IMMP2L: variants seen among roughly 807,000 people sequenced by gnomAD.
IMMP2L encodes inner mitochondrial membrane peptidase subunit 2.
Under a neutral mutation model 19.3 loss-of-function variants are expected in IMMP2L, and 18 were observed. That is an observed-to-expected ratio of 0.93 (90% confidence interval 0.64 to 1.38). IMMP2L has a LOEUF of 1.38. Among genes scored for constraint, IMMP2L ranks in the 40% most tolerant of loss-of-function variants. IMMP2L has a pLI of 0.00. For missense variants in IMMP2L, 233 were observed against 218.2 expected, an observed-to-expected ratio of 1.07 and a Z score of -0.43; for synonymous variants, 76 against 73.0, an observed-to-expected ratio of 1.04 and a Z score of -0.21.
intron 3 of IMMP2L, among the ~76,000 whole-genome samples, chr7:111,040,560 A>C (rs1180100329): frequency 6.6e-6 from 1 of 151,434 alleles, no homozygotes; most frequent in African/African-American, 2.4e-5. Flanking sequence ...AATCTAAAAG[A>C]TATTTATATC....
intron 3 of IMMP2L, among the ~76,000 whole-genome samples, chr7:111,138,134 T>C (rs1455775800): frequency 6.6e-6 from 1 of 152,174 alleles, no homozygotes; most frequent in Non-Finnish European, 1.5e-5. Context: ...ACCAGCCTTG[T>C]GCTACACCTT....
At chr7:110,786,048 A>T (rs903504034) in intron 5 of IMMP2L, among the ~76,000 whole-genome samples, 1 of 152,114 alleles carries the variant, frequency 6.6e-6, no homozygotes, top group Middle Eastern at 3.4e-3. Context: ...CGATGAATTC[A>T]GAAAAAGGAT....
chr7:111,061,515 G>C (rs1030564298), intron 3 of IMMP2L, among the ~76,000 whole-genome samples: 5 of 152,084 alleles, frequency 3.3e-5, no homozygotes, highest in Non-Finnish European at 5.9e-5. Flanking sequence ...GTGGCCAGGG[G>C]TAATTAATAC....
intron 3 of IMMP2L, among the ~76,000 whole-genome samples, chr7:111,006,057 G>C (rs942273867): frequency 7.2e-5 from 11 of 152,038 alleles, no homozygotes; most frequent in African/African-American, 2.4e-4. Flanking sequence ...AGTTCTCAAG[G>C]GGCTCATCTG....
At chr7:111,444,961 T>G (rs948195975) in intron 3 of IMMP2L, among the ~76,000 whole-genome samples, 1 of 152,158 alleles carries the variant, frequency 6.6e-6, no homozygotes, top group African/African-American at 2.4e-5. Flanking sequence ...TTGTAACAGT[T>G]ATATATTAAT....
intron 3 of IMMP2L, among the ~76,000 whole-genome samples, chr7:111,014,968 G>T (rs1385177923): frequency 1.3e-5 from 2 of 152,142 alleles, no homozygotes; most frequent in Admixed American, 1.3e-4. Flanking sequence ...CTGTAAAATG[G>T]TGCATCCTCT....
intron 3 of IMMP2L, among the ~76,000 whole-genome samples, chr7:111,328,691 A>AAG (rs1491092800): frequency 4.0e-5 from 6 of 151,790 alleles, no homozygotes; most frequent in East Asian, 1.9e-4. Flanking sequence ...GCTGAAGGGC[A>AAG]AGAGAGAGAG....
chr7:110,955,627 T>A (rs1436383529), intron 4 of IMMP2L, among the ~76,000 whole-genome samples: 1 of 151,962 alleles, frequency 6.6e-6, no homozygotes, highest in African/African-American at 2.4e-5. Context: ...CTGCTCAAGC[T>A]ACCAACAACT....
At chr7:110,999,571 A>G (rs1235340345) in intron 3 of IMMP2L, among the ~76,000 whole-genome samples, 2 of 151,196 alleles carry the variant, frequency 1.3e-5, no homozygotes, top group Non-Finnish European at 2.9e-5. Flanking sequence ...TATGGATACA[A>G]TATGTTCTCA....
At chr7:110,749,801 T>C (rs1286703160) in intron 5 of IMMP2L, among the ~76,000 whole-genome samples, 4 of 152,034 alleles carry the variant, frequency 2.6e-5, no homozygotes, top group Non-Finnish European at 4.4e-5. Context: ...ACGTAGATGA[T>C]GGGTTGAATG....
intron 3 of IMMP2L, among the ~76,000 whole-genome samples, chr7:111,311,094 C>T (rs538167754): frequency 6.6e-6 from 1 of 152,170 alleles, no homozygotes. Flanking sequence ...CAGGGCTTTC[C>T]ACTTGTCCCC....
At chr7:111,337,471 TG>T (rs1415853930) in intron 3 of IMMP2L, among the ~76,000 whole-genome samples, 334 of 144,160 alleles carry the variant, frequency 2.3e-3, no homozygotes, top group African/African-American at 8.4e-3. Context: ...GATGGATGGA[TG>T]GATGGATGGA....
At chr7:111,547,043 G>GT (rs1848991782) in intron 1 of IMMP2L, among the ~76,000 whole-genome samples, 1 of 152,136 alleles carries the variant, frequency 6.6e-6, no homozygotes, top group Admixed American at 6.5e-5. Context: ...GCCAATTTAA[G>GT]TAAGTTTTTC....
At chr7:111,157,203 G>A (rs972785478) in intron 3 of IMMP2L, among the ~76,000 whole-genome samples, 8 of 152,048 alleles carry the variant, frequency 5.3e-5, no homozygotes, top group African/African-American at 1.9e-4. Context: ...ACTACCATAT[G>A]ATCCAGTACT....
intron 3 of IMMP2L, among the ~76,000 whole-genome samples, chr7:111,356,586 T>C (rs1433002214): frequency 6.6e-6 from 1 of 152,152 alleles, no homozygotes; most frequent in Non-Finnish European, 1.5e-5. Flanking sequence ...AATTGTACGC[T>C]TTTTAGTGTA....
At chr7:111,205,498 C>T (rs759496048) in intron 3 of IMMP2L, among the ~76,000 whole-genome samples, 7 of 152,100 alleles carry the variant, frequency 4.6e-5, no homozygotes, top group Non-Finnish European at 7.4e-5. Flanking sequence ...TTCCATTGAA[C>T]GTCACAGGAC....
At chr7:111,173,036 T>A (rs1186623834) in intron 3 of IMMP2L, among the ~76,000 whole-genome samples, 1 of 151,506 alleles carries the variant, frequency 6.6e-6, no homozygotes, top group Non-Finnish European at 1.5e-5. Flanking sequence ...GAACAATACA[T>A]GAAGTCAGTA....
chr7:111,140,296 G>A (rs1190343687), intron 3 of IMMP2L, among the ~76,000 whole-genome samples: 1 of 152,028 alleles, frequency 6.6e-6, no homozygotes, highest in African/African-American at 2.4e-5. Flanking sequence ...TTACTGCCCT[G>A]TAAAACAACA....
At chr7:111,334,870 A>G (rs754814686) in intron 3 of IMMP2L, among the ~76,000 whole-genome samples, 13 of 152,114 alleles carry the variant, frequency 8.5e-5, no homozygotes, top group Non-Finnish European at 1.6e-4. Flanking sequence ...AGAAAAAAAC[A>G]AGAGAAAGGT....
Sources: gnomAD v4.1 joint callset for allele counts (sites outside exome capture counted in the v4.1 genomes callset) on GRCh38, gnomAD v4.1.1 for gene constraint, MANE v1.5 for transcripts, NCBI Gene and HGNC (gene_info 2026-07-23, HGNC 2026-07-21) for gene names.